The following KAZN variants were observed in gnomAD, a reference collection of about 807,000 sequenced individuals.
KAZN encodes kazrin, periplakin interacting protein, also known as kazrin.
KAZN carries 40 observed loss-of-function variants against 87.4 expected under a neutral mutation model. That is an observed-to-expected ratio of 0.46 (90% confidence interval 0.36 to 0.60). The LOEUF is 0.60. Ranked by LOEUF, KAZN falls within the 20% of genes least tolerant of loss-of-function variation. The pLI, the probability that KAZN is intolerant of heterozygous loss-of-function variation, is 0.00. For synonymous variants in KAZN, 466 were observed against 458.3 expected (o/e 1.02, Z -0.22); for missense variants, 898 against 1,073.9 (o/e 0.84, Z 2.29).
intron 1 of KAZN, among the ~76,000 whole-genome samples, chr1:14,042,443 T>C (rs1641879233): frequency 6.6e-6 from 1 of 152,238 alleles, no homozygotes; most frequent in South Asian, 2.1e-4. Context: ...GCTACCTCTG[T>C]ACCTGGTACT....
At chr1:14,116,575 C>T (rs1050862723) in intron 1 of KAZN, among the ~76,000 whole-genome samples, 2 of 152,230 alleles carry the variant, frequency 1.3e-5, no homozygotes, top group African/African-American at 4.8e-5. Flanking sequence ...GCAGGGTTTT[C>T]ATAGAGAGCC....
At chr1:14,234,779 G>A (rs1025367402) in intron 2 of KAZN, among the ~76,000 whole-genome samples, 2 of 152,164 alleles carry the variant, frequency 1.3e-5, no homozygotes, top group African/African-American at 4.8e-5. Context: ...GCAAAGGAGA[G>A]CTTTTTGAAA....
At chr1:14,175,741 T>G (rs954769971) in intron 1 of KAZN, among the ~76,000 whole-genome samples, 4 of 152,184 alleles carry the variant, frequency 2.6e-5, no homozygotes, top group African/African-American at 9.6e-5. Flanking sequence ...AATAGTAATG[T>G]CTGTGCATGT....
chr1:15,102,856 GCC>G (rs2100716780), intron 11 of KAZN, among the ~76,000 whole-genome samples: 1 of 152,352 alleles, frequency 6.6e-6, no homozygotes, highest in African/African-American at 2.4e-5. Context: ...CAGCAGCAGT[GCC>G]TTCCCCATGC....
intron 1 of KAZN, among the ~76,000 whole-genome samples, chr1:14,024,524 T>G (rs1640984402): frequency 6.6e-6 from 1 of 152,242 alleles, no homozygotes; most frequent in South Asian, 2.1e-4. Flanking sequence ...AATCAAGGGA[T>G]GCATTCTGCC....
In KAZN at chr1:14,599,832, C is replaced by A. The variant is rs1255833838; in HGVS notation, c.226+609C>A. On this transcript the variant is annotated intron_variant, in intron 1 of 14. Transcript: ENST00000376030. The surrounding 1 kb of genome is among the most constrained non-coding windows in gnomAD (Gnocchi z 4.4). Reference sequence around the variant, plus strand: ...GTTTAAATTTCCGCAAATATAAACACCGAGAGCACTTTCCAGGGGGATACT... The same window carrying A: ...GTTTAAATTTCCGCAAATATAAACAACGAGAGCACTTTCCAGGGGGATACT... Among the ~76,000 whole-genome samples, 1 of 152,074 alleles carries A rather than the reference C, an allele frequency of 6.6e-6. No homozygotes were observed. Among genetic ancestry groups the A allele is most frequent in the Non-Finnish European group, 1.5e-5 (1 of 68,026 alleles).
intron 1 of KAZN, among the ~76,000 whole-genome samples, chr1:13,995,003 A>G (rs1020208451): frequency 3.3e-5 from 5 of 152,202 alleles, no homozygotes; most frequent in African/African-American, 2.4e-5. Context: ...GAAAACTTCT[A>G]AGGAGGAAGT....
At chr1:15,111,338 G>A (rs1441793660) in intron 13 of KAZN, among the ~76,000 whole-genome samples, 6 of 151,504 alleles carry the variant, frequency 4.0e-5, no homozygotes, top group Admixed American at 6.6e-5. Flanking sequence ...GTACGATCTC[G>A]GCTCACTGCA....
chr1:14,938,178 A>T (rs1390286543), intron 1 of KAZN, among the ~76,000 whole-genome samples: 1 of 152,056 alleles, frequency 6.6e-6, no homozygotes, highest in African/African-American at 2.4e-5. Flanking sequence ...GAGCCTCAAT[A>T]TCTTCATCTG....
intron 2 of KAZN, among the ~76,000 whole-genome samples, chr1:14,460,197 ACAC>A (rs556163142): frequency 2.0e-5 from 3 of 152,318 alleles, no homozygotes; most frequent in Non-Finnish European, 2.9e-5. Flanking sequence ...AACCCACAAG[ACAC>A]CATCTGGCCA....
intron 2 of KAZN, among the ~76,000 whole-genome samples, chr1:14,372,369 C>T (rs896136977): frequency 1.3e-5 from 2 of 152,162 alleles, no homozygotes; most frequent in South Asian, 2.1e-4. Context: ...GTAATTGAAA[C>T]ATGGTAAATA....
intron 8 of KAZN, among the ~76,000 whole-genome samples, chr1:15,092,052 G>GTTTTTTTTTTTTTTTTTTTTTTT (rs1182724737): frequency 1.2e-5 from 1 of 82,656 alleles, no homozygotes; most frequent in African/African-American, 5.4e-5. Flanking sequence ...CAGAGGTTTT[G>GTTTTTTTTTTTTTTTTTTTTTTT]TTTTTTTGTT....
chr1:14,108,084 T>C (rs1437966288), intron 1 of KAZN, among the ~76,000 whole-genome samples: 1 of 152,170 alleles, frequency 6.6e-6, no homozygotes. Context: ...CTAGCCGTAC[T>C]GGACCACGAG....
intron 8 of KAZN, among the ~76,000 whole-genome samples, chr1:15,088,540 C>T (rs1266908680): frequency 6.6e-6 from 1 of 152,196 alleles, no homozygotes; most frequent in Non-Finnish European, 1.5e-5. Flanking sequence ...ACCCGCGACT[C>T]GGCAGCCCCT....
intron 1 of KAZN, among the ~76,000 whole-genome samples, chr1:14,874,985 T>A (rs560941422): frequency 3.9e-5 from 6 of 152,002 alleles, no homozygotes; most frequent in African/African-American, 1.4e-4. Flanking sequence ...CAAGTGGGGG[T>A]CCCTGGAGAT....
rs192386195 is a variant in KAZN, at chr1:15,026,020, C to T, written c.419-8729C>T. ...GAACTCACCTTACTCATCTTTGAAA[C>T]GGAAAAAAAAACAAATAAACTGCTG... On this transcript the variant is annotated intron_variant, in intron 2 of 14. Coordinates refer to ENST00000376030, the MANE Select transcript of KAZN (RefSeq NM_201628.3). Among the ~76,000 whole-genome samples, 86 of 150,870 alleles carry T rather than the reference C, an allele frequency of 5.7e-4. 1 individual carries two copies. Among genetic ancestry groups the T allele is most frequent in the African/African-American group, 1.7e-3 (68 of 40,416 alleles).
chr1:14,059,418 A>G (rs1036274170), intron 1 of KAZN, among the ~76,000 whole-genome samples: 1 of 152,240 alleles, frequency 6.6e-6, no homozygotes, highest in Non-Finnish European at 1.5e-5. Flanking sequence ...CAAGAGGAGA[A>G]GAAAGAAATA....
chr1:14,466,629 T>C (rs1180238871), intron 2 of KAZN, among the ~76,000 whole-genome samples: 12 of 149,396 alleles, frequency 8.0e-5, no homozygotes, highest in Non-Finnish European at 1.8e-4. Context: ...CTTCACATCC[T>C]GCACATGTAC....
At chr1:14,825,696 C>G (rs1001468484) in intron 1 of KAZN, among the ~76,000 whole-genome samples, 1 of 152,174 alleles carries the variant, frequency 6.6e-6, no homozygotes, top group African/African-American at 2.4e-5. Flanking sequence ...AAAGCCTGTG[C>G]ACTTAATCCC....
Sources: allele counts gnomAD v4.1 joint callset (sites outside exome capture counted in the v4.1 genomes callset), GRCh38; gene constraint gnomAD v4.1.1; non-coding constraint Gnocchi (gnomAD v3.1); transcripts MANE v1.5; gene names NCBI Gene and HGNC (gene_info 2026-07-23, HGNC 2026-07-21).